Variants in NEK9 observed in about 807,000 individuals in gnomAD.
The protein encoded by NEK9 is serine/threonine-protein kinase Nek9.
A neutral mutation model predicts 123.4 loss-of-function variants in NEK9; 75 were observed. That is an observed-to-expected ratio of 0.61 (90% CI 0.50 to 0.74). The LOEUF (loss-of-function observed/expected upper bound fraction) is 0.74. NEK9 is among the 30% of genes least tolerant of loss of function. NEK9 has a pLI of 0.00. For missense variants in NEK9, 952 were observed against 1,214.4 expected, an observed-to-expected ratio of 0.78 and a Z score of 3.21; for synonymous variants, 438 against 458.7, an observed-to-expected ratio of 0.95 and a Z score of 0.58.
At chr14:75,111,183 A>G (rs941781206) in intron 8 of NEK9, among the ~76,000 whole-genome samples, 3 of 151,906 alleles carry the variant, frequency 2.0e-5, no homozygotes, top group Non-Finnish European at 4.4e-5. Flanking sequence ...ATTAACCACA[A>G]TTTTCTTGGC....
chr14:75,127,100 A>T, upstream of NEK9: 3 of 547,658 alleles, frequency 5.5e-6, no homozygotes, highest in Admixed American at 8.4e-5. Context: ...GGCCTGGCTG[A>T]GTTTCCTCCG....
At chr14:75,121,239 G>T in intron 2 of NEK9, 65 bp from the exon 3 acceptor site, 1 of 1,205,144 alleles carries the variant, frequency 8.3e-7, no homozygotes, top group South Asian at 1.3e-5. Flanking sequence ...TCCTGTAACA[G>T]GTTTTTTTAG....
chr14:75,095,131 A>G (rs760087333), intron 18 of NEK9, among the ~76,000 whole-genome samples: 51 of 152,256 alleles, frequency 3.3e-4, no homozygotes, highest in Admixed American at 2.6e-4. Flanking sequence ...GTACTGGGCA[A>G]GCTACTTAAT....
chr14:75,086,995 G>T, intron 21 of NEK9, 23 bp downstream of exon 21: 1 of 1,600,574 alleles, frequency 6.2e-7, no homozygotes, highest in South Asian at 1.1e-5. Flanking sequence ...TTAGAAATTG[G>T]ATTATTCTTT....
At position 75,120,564 on chromosome 14, in the gene NEK9, A is replaced by T. The variant is rs770939281; in HGVS notation, c.470T>A (p.Leu157Gln). The part of the protein sequence containing the change: ...LFEEEMVVWY[L>Q]FQIVSAVSCI... ...GCTCACTGCTGAAACAATCTGAAAT[A>T]GGTACCACACCACCATCTGCAGAGA... is the stretch of plus-strand genomic sequence containing the variant. The change falls in exon 4 of 22, where the codon CTA (leucine) becomes CAA (glutamine). Residue 157 changes from leucine (L) to glutamine (Q), a missense_variant. By Grantham distance (113) the Leu-to-Gln change is moderately radical. Coordinates refer to ENST00000238616, the MANE Select transcript of NEK9 (RefSeq NM_033116.6). 2 of 1,612,740 alleles carry T rather than the reference A, an allele frequency of 1.2e-6. No individual in the cohort carries two copies. Among genetic ancestry groups the T allele is most frequent in the Non-Finnish European group, 1.7e-6 (2 of 1,179,008 alleles).
At position 75,118,899 on chromosome 14, in the gene NEK9, T is replaced by C; in HGVS notation, c.561A>G (p.Ala187=). Residue 187 remains alanine, a synonymous_variant, in exon 5 of 22, where the codon GCA becomes GCG. Coordinates refer to ENST00000238616, the MANE Select transcript of NEK9 (RefSeq NM_033116.6). ...CATAATCTCCAAGTTTTATCAGGTT[T>C]GCCTTGGTCAGAAAAATATTTAATG... ...IKTLNIFLTK[A]NLIKLGDYGL... The C allele has an allele frequency of 6.2e-7, 1 of 1,608,628 alleles. No homozygotes were observed. The highest frequency in any genetic ancestry group is 8.5e-7 in the Non-Finnish European group (1 of 1,175,246).
Position 75,083,330 on chromosome 14 carries a change from G to T in NEK9, c.*1234C>A. On this transcript the variant is annotated 3_prime_UTR_variant, in exon 22 of 22. Coordinates refer to ENST00000238616, the MANE Select transcript of NEK9 (RefSeq NM_033116.6). Reference sequence around the variant, plus strand: ...TCTATATGAAGTTTTGTTCTTCTATGACACTATTTCTCTTTGGTAAAGCTA... The same window carrying T: ...TCTATATGAAGTTTTGTTCTTCTATTACACTATTTCTCTTTGGTAAAGCTA... 1 of 372,392 alleles carries T rather than the reference G, an allele frequency of 2.7e-6. No homozygotes were observed. The highest frequency in any genetic ancestry group is 2.1e-5 in the African/African-American group (1 of 48,284). 23.1% of individuals were successfully genotyped at this position (372,392 alleles called of 1,614,324 possible).
At position 75,080,582 on chromosome 14, in the gene NEK9, ACTC is replaced by A. The variant is rs748919616; in HGVS notation, c.*3979_*3981del. On this transcript the variant is annotated 3_prime_UTR_variant, in exon 22 of 22. Transcript: ENST00000238616. ...ACCATAGGAGAAATTTCACGGGGAA[ACTC>A]CTCATGTGGAAACTCATTTCATTAA... is the stretch of plus-strand genomic sequence containing the variant. The A allele has an allele frequency of 4.6e-5, 7 of 151,390 alleles. No individual in the cohort carries two copies. Among genetic ancestry groups the A allele is most frequent in the Non-Finnish European group, 8.8e-5 (6 of 67,878 alleles). 9.4% of individuals were successfully genotyped at this position (151,390 alleles called of 1,614,324 possible). A position where few individuals can be genotyped will look rare whatever the true frequency, so the allele number is the denominator to read the frequency against.
intron 17 of NEK9, chr14:75,096,818 C>CA (rs1171317250): frequency 1.8e-4 from 43 of 235,718 alleles, no homozygotes; most frequent in South Asian, 7.7e-4. Flanking sequence ...AACTCCAACT[C>CA]AAAAAAAAGA....
At chr14:75,106,395 A>T in intron 12 of NEK9, 107 bp downstream of exon 12, 1 of 833,568 alleles carries the variant, frequency 1.2e-6, no homozygotes, top group Non-Finnish European at 2.0e-6. Flanking sequence ...AGATTTACTG[A>T]ATTAACACTT....
rs1894890827 is a variant in NEK9 at position 75,109,568 on chromosome 14, T to C, written c.1182+117A>G. The C allele has an allele frequency of 6.1e-5, 53 of 875,478 alleles. 3 individuals carry two copies. The South Asian group carries it at 8.8e-4, about 15-fold the overall frequency. 54.2% of individuals were successfully genotyped at this position (875,478 alleles called of 1,614,324 possible). A position where few individuals can be genotyped will look rare whatever the true frequency, so the allele number is the denominator to read the frequency against. ...TGCTCTTATAAGAGCTTCCATTCCA[T>C]CACCCCATGTTGCCACTCCCTTAGT... On this transcript the variant is annotated intron_variant, in intron 10 of 21. Coordinates refer to ENST00000238616, the MANE Select transcript of NEK9 (RefSeq NM_033116.6).
At position 75,121,192 on chromosome 14, in the gene NEK9, A is replaced by C; in HGVS notation, c.398-18T>G. On this transcript the variant is annotated intron_variant, in intron 2 of 21. Transcript: ENST00000238616. The stretch of plus-strand genomic sequence containing the variant: ...GTTCCCTCCTGCAATTAAACAAGAC[A>C]CAGATTTGAATTGCTTAATACAGAT... The C allele has an allele frequency of 6.2e-7, 1 of 1,606,754 alleles. No individual in the cohort carries two copies. Among genetic ancestry groups the C allele is most frequent in the Non-Finnish European group, 8.5e-7 (1 of 1,173,442 alleles).
At chr14:75,090,899 C>A (rs954049561) in intron 19 of NEK9, among the ~76,000 whole-genome samples, 3 of 152,178 alleles carry the variant, frequency 2.0e-5, no homozygotes, top group Admixed American at 2.0e-4. Context: ...TGTATCTCAA[C>A]TTTCATCAAC....
At chr14:75,114,838 C>T (rs1189069104) in intron 6 of NEK9, among the ~76,000 whole-genome samples, 1 of 152,076 alleles carries the variant, frequency 6.6e-6, no homozygotes, top group Non-Finnish European at 1.5e-5. Flanking sequence ...GCCTCACTAA[C>T]ACCATTCAAG....
chr14:75,122,278 A>C (rs1895363893), intron 2 of NEK9, among the ~76,000 whole-genome samples: 1 of 152,198 alleles, frequency 6.6e-6, no homozygotes, highest in Non-Finnish European at 1.5e-5. Flanking sequence ...TTTTTAACAG[A>C]ATCTTGTATA....
At chr14:75,096,335 G>A (rs1223972759) in intron 17 of NEK9, among the ~76,000 whole-genome samples, 1 of 148,228 alleles carries the variant, frequency 6.7e-6, no homozygotes, top group Non-Finnish European at 1.5e-5. Context: ...GTGCTGCTAA[G>A]GTTGCAAACC....
At position 75,083,068 on chromosome 14, in the gene NEK9, G is replaced by A; in HGVS notation, c.*1496C>T. ...ATCAGCCTTTATGCCACCAGTTTTG[G>A]AGAAATGGCAAAATTTCCATTGCAC... On this transcript the variant is annotated 3_prime_UTR_variant, in exon 22 of 22. Transcript: ENST00000238616. 2.5e-6 allele frequency: 1 copy of A among 398,568 alleles called. No homozygotes were observed. The highest frequency in any genetic ancestry group is 4.4e-6 in the Non-Finnish European group (1 of 226,068). 24.7% of individuals were successfully genotyped at this position (398,568 alleles called of 1,614,324 possible).
At chr14:75,096,169 G>A (rs930471332) in intron 17 of NEK9, among the ~76,000 whole-genome samples, 1 of 150,004 alleles carries the variant, frequency 6.7e-6, no homozygotes, top group Non-Finnish European at 1.5e-5. Flanking sequence ...TGTAGTCCCA[G>A]CTACTCGAGA....
rs563235824 is a variant in NEK9, at chr14:75,125,261, T to TA, written c.220-1039dup. On this transcript the variant is annotated intron_variant, in intron 1 of 21. Transcript: ENST00000238616. Reference sequence around the variant, plus strand: ...AAATGATATTTGTTCATTCTTTTCATATCTCTACATATGCAACTTAATGCT... The same window carrying TA: ...AAATGATATTTGTTCATTCTTTTCATAATCTCTACATATGCAACTTAATGCT... Among the ~76,000 whole-genome samples, 8 of 152,348 alleles carry TA rather than the reference T, an allele frequency of 5.3e-5. No individual in the cohort carries two copies. In the East Asian group the frequency reaches 1.5e-3, roughly 29 times the overall value.
Sources: gnomAD v4.1 joint callset for allele counts (sites outside exome capture counted in the v4.1 genomes callset) on GRCh38, gnomAD v4.1.1 for gene constraint, MANE v1.5 for transcripts, NCBI Gene and HGNC (gene_info 2026-07-23, HGNC 2026-07-21) for gene names.